TPH2: variants seen among roughly 807,000 people sequenced by gnomAD.
TPH2 encodes tryptophan 5-hydroxylase 2.
A neutral mutation model predicts 59.1 loss-of-function variants in TPH2; 27 were observed. That is an observed-to-expected ratio of 0.46 (90% confidence interval 0.34 to 0.63). TPH2 has a LOEUF of 0.63. Among genes scored for constraint, TPH2 ranks in the 30% least tolerant of loss-of-function variants. The probability of loss-of-function intolerance (pLI) is 0.01; values close to 1 mark genes in which losing one functional copy is unlikely to be tolerated. For synonymous variants in TPH2, 220 were observed against 210.5 expected (o/e 1.05, Z -0.39); for missense variants, 523 against 588.3 (o/e 0.89, Z 1.15).
chr12:71,977,979 T>C (rs1415189744), intron 6 of TPH2, among the ~76,000 whole-genome samples: 3 of 152,110 alleles, frequency 2.0e-5, no homozygotes, highest in Admixed American at 6.6e-5. Flanking sequence ...TTTTCTATGG[T>C]TAGATATGTT....
At chr12:72,002,241 C>T (rs1195439436) in intron 8 of TPH2, among the ~76,000 whole-genome samples, 1 of 152,056 alleles carries the variant, frequency 6.6e-6, no homozygotes, top group East Asian at 1.9e-4. Flanking sequence ...GAGGGTCTGG[C>T]TGTTCATACT....
At chr12:71,969,698 G>A (rs1288639823) in intron 5 of TPH2, among the ~76,000 whole-genome samples, 3 of 152,012 alleles carry the variant, frequency 2.0e-5, no homozygotes, top group African/African-American at 7.3e-5. Flanking sequence ...ATTTTAGTTT[G>A]GTATGTGAAA....
chr12:71,953,917 A>G (rs553470734), intron 5 of TPH2, among the ~76,000 whole-genome samples: 3 of 152,312 alleles, frequency 2.0e-5, no homozygotes, highest in Middle Eastern at 3.4e-3. Context: ...AATAGGGGTT[A>G]GCAGGATATA....
chr12:71,949,504 A>ATATGTTCATATGAATT (rs1285619074), intron 4 of TPH2, 84 bp from the exon 5 acceptor site: 2 of 1,130,748 alleles, frequency 1.8e-6, no homozygotes, highest in East Asian at 4.8e-5. Context: ...TTGAACACTC[A>ATATGTTCATATGAATT]GACACCACAG....
At chr12:71,981,219 T>C (rs6582079) in intron 7 of TPH2, among the ~76,000 whole-genome samples, 77,538 of 151,748 alleles carry the variant, frequency 0.51, 20,488 homozygotes, top group Middle Eastern at 0.58. Context: ...GCAAGAGGCA[T>C]ACATGTGCAA....
rs556189976 is a variant in TPH2, at chr12:72,013,824, G to T, written c.1069-8575G>T. Among the ~76,000 whole-genome samples the T allele has an allele frequency of 2.0e-5, 3 of 152,204 alleles. No homozygotes were observed. In the South Asian group the frequency reaches 6.2e-4, roughly 32 times the overall value. ...TTGATGAAGTTGTGACCTACTGATC[G>T]CTATGGACCAGCCCTAATGTCTTCC... On this transcript the variant is annotated intron_variant, in intron 8 of 10. Coordinates refer to ENST00000333850, the MANE Select transcript of TPH2 (RefSeq NM_173353.4).
chr12:71,980,448 T>C lies in TPH2; in HGVS notation c.941+1361T>C, dbSNP rs141765428. Among the ~76,000 whole-genome samples, 351 of 152,290 alleles carry C rather than the reference T, an allele frequency of 2.3e-3. 2 individuals carry two copies. The highest frequency in any genetic ancestry group is 3.9e-3 in the Non-Finnish European group (262 of 68,030). ...TCAAGTCCCTGAAGCACCCCTCATT[T>C]TCCTAGGCTGGCATAAGGCTCACAG... On this transcript the variant is annotated intron_variant, in intron 7 of 10. Coordinates refer to ENST00000333850, the MANE Select transcript of TPH2 (RefSeq NM_173353.4).
At chr12:71,995,436 A>G (rs911118601) in intron 8 of TPH2, among the ~76,000 whole-genome samples, 2 of 152,206 alleles carry the variant, frequency 1.3e-5, no homozygotes, top group Non-Finnish European at 2.9e-5. Context: ...GCACAGGTAC[A>G]CCACAGTGGC....
chr12:71,941,430 T>C (rs1871062440), intron 1 of TPH2, 154 bp from the exon 2 acceptor site: 2 of 396,950 alleles, frequency 5.0e-6, no homozygotes, highest in African/African-American at 2.2e-5. Flanking sequence ...TATTTATGAC[T>C]GAAAGTTATG....
chr12:72,025,808 A>G (rs1282532543), intron 9 of TPH2, among the ~76,000 whole-genome samples: 1 of 152,220 alleles, frequency 6.6e-6, no homozygotes, highest in Non-Finnish European at 1.5e-5. Flanking sequence ...CCTTACCCAC[A>G]GTCTAGCTTG....
chr12:72,007,840 G>A (rs896580795), intron 8 of TPH2, among the ~76,000 whole-genome samples: 5 of 152,078 alleles, frequency 3.3e-5, no homozygotes, highest in Admixed American at 3.3e-4. Flanking sequence ...AATAGGCAAG[G>A]TAAGGGCATT....
rs190515485 is a variant in TPH2 at position 71,960,124 on chromosome 12, C to T, written c.608+10469C>T. 1.3e-3 allele frequency among the ~76,000 whole-genome samples: 199 copies of T among 152,138 alleles called. 1 individual carries two copies. The highest frequency in any genetic ancestry group is 4.1e-3 in the African/African-American group (171 of 41,500). The stretch of plus-strand genomic sequence containing the variant: ...ATGCTTTAATTTCTCTGAAATGAAG[C>T]GGTAAATTGAAAAGTAGAACAAAAC... On this transcript the variant is annotated intron_variant, in intron 5 of 10. Transcript: ENST00000333850.
chr12:72,013,734 C>T (rs1280123993), intron 8 of TPH2, among the ~76,000 whole-genome samples: 1 of 152,186 alleles, frequency 6.6e-6, no homozygotes, highest in East Asian at 1.9e-4. Flanking sequence ...TCTTTAGCTA[C>T]CTTTGTCATC....
At position 71,964,922 on chromosome 12, in the gene TPH2, T is replaced by C. The variant is rs950939987; in HGVS notation, c.609-7597T>C. 7 of 188,698 alleles carry C rather than the reference T, an allele frequency of 3.7e-5. No homozygotes were observed. The East Asian group carries it at 7.5e-4, about 20-fold the overall frequency. 11.7% of individuals were successfully genotyped at this position (188,698 alleles called of 1,614,324 possible). A position where few individuals can be genotyped will look rare whatever the true frequency, so the allele number is the denominator to read the frequency against. ...AGTACCCAATAGTTTACTTTCCTGC[T>C]CCTCACCCTCCTCTCACCCTCCACC... On this transcript the variant is annotated intron_variant, in intron 5 of 10. Coordinates refer to ENST00000333850, the MANE Select transcript of TPH2 (RefSeq NM_173353.4).
At chr12:71,939,392 A>AG (rs1310951368) in intron 1 of TPH2, among the ~76,000 whole-genome samples, 1 of 59,838 alleles carries the variant, frequency 1.7e-5, no homozygotes, top group African/African-American at 5.8e-5. Context: ...TTAAATCTAC[A>AG]GCCAAAAAAA....
At chr12:71,988,790 GT>G (rs1333466814) in intron 7 of TPH2, among the ~76,000 whole-genome samples, 1 of 152,110 alleles carries the variant, frequency 6.6e-6, no homozygotes, top group Non-Finnish European at 1.5e-5. Flanking sequence ...ACTGGAAATT[GT>G]TTCTTTTTAT....
chr12:71,948,728 T>C (rs1208687146), intron 4 of TPH2, among the ~76,000 whole-genome samples: 1 of 152,200 alleles, frequency 6.6e-6, no homozygotes, highest in Non-Finnish European at 1.5e-5. Flanking sequence ...TGCAGGGCTG[T>C]AGTGGTAGGA....
intron 8 of TPH2, among the ~76,000 whole-genome samples, chr12:72,003,024 C>T (rs1872865963): frequency 6.6e-6 from 1 of 151,956 alleles, no homozygotes; most frequent in African/African-American, 2.4e-5. Flanking sequence ...TAAAGGTAAC[C>T]TTAGTTTATA....
intron 8 of TPH2, among the ~76,000 whole-genome samples, chr12:72,015,324 T>G (rs1873213875): frequency 7.1e-6 from 1 of 141,084 alleles, no homozygotes; most frequent in African/African-American, 2.7e-5. Context: ...TGTTTTTTTT[T>G]TTTTTTTTTT....
Sources: gnomAD v4.1 joint callset for allele counts (sites outside exome capture counted in the v4.1 genomes callset) on GRCh38, gnomAD v4.1.1 for gene constraint, MANE v1.5 for transcripts, NCBI Gene and HGNC (gene_info 2026-07-23, HGNC 2026-07-21) for gene names.